Variants in SYCP2 observed in about 807,000 individuals in gnomAD.
The protein encoded by SYCP2 is synaptonemal complex lateral element protein.
Under a neutral mutation model 211.3 loss-of-function variants are expected in SYCP2, and 55 were observed. That is an observed-to-expected ratio of 0.26 (90% CI 0.21 to 0.33). SYCP2 has a LOEUF of 0.33. SYCP2 is among the 10% of genes least tolerant of loss of function. SYCP2 has a pLI of 1.00. For synonymous variants in SYCP2, 570 were observed against 555.2 expected, an observed-to-expected ratio of 1.03 and a Z score of -0.37; for missense variants, 1,731 against 1,752.0, an observed-to-expected ratio of 0.99 and a Z score of 0.21.
At chr20:59,898,568 G>A (rs1337049750) in intron 18 of SYCP2, among the ~76,000 whole-genome samples, 1 of 152,088 alleles carries the variant, frequency 6.6e-6, no homozygotes, top group Non-Finnish European at 1.5e-5. Flanking sequence ...TTGCGGGGTG[G>A]GGGCCTAGGG....
chr20:59,911,293 T>C (rs1196964297), intron 14 of SYCP2, among the ~76,000 whole-genome samples: 1 of 152,074 alleles, frequency 6.6e-6, no homozygotes, highest in African/African-American at 2.4e-5. Flanking sequence ...TGATAAAGCA[T>C]AGGAAGAAAA....
intron 13 of SYCP2, 37 bp from the exon 14 acceptor site, chr20:59,911,882 G>C (rs1180159526): frequency 9.2e-7 from 1 of 1,086,470 alleles, no homozygotes; most frequent in Non-Finnish European, 1.3e-6. Context: ...AATATACAAT[G>C]ATTTTAGAAA....
intron 24 of SYCP2, among the ~76,000 whole-genome samples, chr20:59,888,742 T>G (rs887764315): frequency 6.6e-6 from 1 of 151,950 alleles, no homozygotes; most frequent in African/African-American, 2.4e-5. Flanking sequence ...CTGTAGAAAA[T>G]CTCAAAGAAT....
chr20:59,905,356 T>A (rs1003286456), intron 15 of SYCP2, among the ~76,000 whole-genome samples: 4 of 152,158 alleles, frequency 2.6e-5, no homozygotes. Flanking sequence ...CTGGGAACAT[T>A]ACAAATGCTC....
Position 59,892,127 on chromosome 20 carries a change from A to T in SYCP2, c.2227T>A (p.Tyr743Asn). The T allele has an allele frequency of 6.2e-7, 1 of 1,612,248 alleles. No individual in the cohort carries two copies. The highest frequency in any genetic ancestry group is 8.5e-7 in the Non-Finnish European group (1 of 1,179,022). ...IEESLIYRKKYILSKDVNTAT... is the reference protein window; with the variant it reads ...IEESLIYRKKNILSKDVNTAT... ...GTATTCACATCTTTTGACAATATGT[A>T]TTTCTTCCTATATATCAGCGATTCT... is the stretch of plus-strand genomic sequence containing the variant. Residue 743 changes from tyrosine to asparagine, a missense_variant, in exon 24 of 45, where the codon TAC (tyrosine) becomes AAC (asparagine). Tyr to Asn is a moderately radical substitution (Grantham distance 143). This residue lies in a region of SYCP2 where 1,387 missense variants were observed against 1,351.3 expected (regional missense o/e 1.03). Coordinates refer to ENST00000357552, the MANE Select transcript of SYCP2 (RefSeq NM_014258.4).
At chr20:59,881,092 G>T in intron 29 of SYCP2, 69 bp from the exon 30 acceptor site, 2 of 863,418 alleles carry the variant, frequency 2.3e-6, no homozygotes, top group South Asian at 1.9e-5. Context: ...ATACACAATG[G>T]ACAATTAGAC....
Position 59,893,213 on chromosome 20 carries a change from A to G in SYCP2, c.1736-14T>C. On this transcript the variant is annotated splice_polypyrimidine_tract_variant and intron_variant, in intron 21 of 44. Transcript: ENST00000357552. ...CCTGGAGTTCACCTAAATAAAACAA[A>G]TATTATAATATTTTCATTTTTTTCA... is the stretch of plus-strand genomic sequence containing the variant. 6.4e-7 allele frequency: 1 copy of G among 1,563,298 alleles called. No individual in the cohort carries two copies. Among genetic ancestry groups the G allele is most frequent in the Non-Finnish European group, 8.7e-7 (1 of 1,147,876 alleles).
Position 59,869,973 on chromosome 20 carries a change from G to T in SYCP2, c.3566C>A (p.Thr1189Asn). ...IPRPLFLPRHTPTKSNTIVNR... is the reference protein window; with the variant it reads ...IPRPLFLPRHNPTKSNTIVNR... ...TACAATAGTATTACTCTTAGTTGGA[G>T]TATGTCTGGGCTATGAATGAAGACA... is the stretch of plus-strand genomic sequence containing the variant. Residue 1189 changes from threonine to asparagine, a missense_variant, in exon 36 of 45, where the codon ACT (threonine) becomes AAT (asparagine). Around this residue, in one of 3 missense-constraint regions of SYCP2, gnomAD observed 1,387 missense variants for 1,351.3 expected, o/e 1.03. Transcript: ENST00000357552. 6.3e-7 allele frequency: 1 copy of T among 1,592,816 alleles called. No individual in the cohort carries two copies. Among genetic ancestry groups the T allele is most frequent in the East Asian group, 2.2e-5 (1 of 44,480 alleles).
intron 12 of SYCP2, among the ~76,000 whole-genome samples, chr20:59,912,823 C>A (rs1568971292): frequency 2.0e-5 from 3 of 152,202 alleles, no homozygotes; most frequent in African/African-American, 7.2e-5. Flanking sequence ...GTGAGTAACT[C>A]TCACGAGATC....
At position 59,900,193 on chromosome 20, in the gene SYCP2, G is replaced by A; in HGVS notation, c.1349C>T (p.Pro450Leu). ...GTCACTGTTTTTGATATATTTTGAA[G>A]GTTTAGCAAATTCCTTTGGGGACTT... ...KSKSPKEFAKPSKYIKNSDKG... is the reference protein window; with the variant it reads ...KSKSPKEFAKLSKYIKNSDKG... Residue 450 changes from proline to leucine, a missense_variant, in exon 18 of 45, where the codon CCT (proline) becomes CTT (leucine). By Grantham distance (98) the Pro-to-Leu change is moderately conservative (BLOSUM62 -3). Around this residue, in one of 3 missense-constraint regions of SYCP2, gnomAD observed 1,387 missense variants for 1,351.3 expected, o/e 1.03. Coordinates refer to ENST00000357552, the MANE Select transcript of SYCP2 (RefSeq NM_014258.4). 1 of 1,613,194 alleles carries A rather than the reference G, an allele frequency of 6.2e-7. No individual in the cohort carries two copies. Among genetic ancestry groups the A allele is most frequent in the South Asian group, 1.1e-5 (1 of 91,024 alleles).
chr20:59,919,697 T>C (rs1452532139), intron 5 of SYCP2, 100 bp from the exon 6 acceptor site: 4 of 608,628 alleles, frequency 6.6e-6, no homozygotes, highest in Non-Finnish European at 8.0e-6. Flanking sequence ...TAAAGACACA[T>C]CAAAATTAAA....
At chr20:59,910,653 A>G (rs1342808253) in intron 14 of SYCP2, among the ~76,000 whole-genome samples, 1 of 151,742 alleles carries the variant, frequency 6.6e-6, no homozygotes, top group Admixed American at 6.6e-5. Flanking sequence ...TGCCCTATTT[A>G]TTTCCTTTAT....
At chr20:59,902,833 T>G (rs2060141339) in intron 15 of SYCP2, among the ~76,000 whole-genome samples, 1 of 152,166 alleles carries the variant, frequency 6.6e-6, no homozygotes, top group African/African-American at 2.4e-5. Flanking sequence ...TTTTTAAAAG[T>G]TAAACAGTGA....
At chr20:59,902,002 C>T (rs1279789349) in intron 15 of SYCP2, among the ~76,000 whole-genome samples, 192 bp from the exon 16 acceptor site, 2 of 152,026 alleles carry the variant, frequency 1.3e-5, no homozygotes, top group African/African-American at 4.8e-5. Flanking sequence ...CTTTCCTAGT[C>T]TCAGTGTTCT....
At chr20:59,898,649 G>A (rs180998905) in intron 18 of SYCP2, among the ~76,000 whole-genome samples, 94 of 152,160 alleles carry the variant, frequency 6.2e-4, no homozygotes, top group African/African-American at 2.1e-3. Flanking sequence ...ACCCTGGCAC[G>A]TGTATACCTA....
At chr20:59,875,556 T>C in intron 33 of SYCP2, 87 bp from the exon 34 acceptor site, 4 of 1,021,894 alleles carry the variant, frequency 3.9e-6, no homozygotes, top group Non-Finnish European at 5.6e-6. Context: ...AAATATTTAT[T>C]AAATGTTGTA....
At position 59,900,254 on chromosome 20, in the gene SYCP2, C is replaced by A. The variant is rs2060090492; in HGVS notation, c.1288G>T (p.Val430Phe). 1 of 1,610,056 alleles carries A rather than the reference C, an allele frequency of 6.2e-7. No individual in the cohort carries two copies. The highest frequency in any genetic ancestry group is 1.7e-5 in the Admixed American group (1 of 59,426). The change falls in exon 18 of 45, where the codon GTC (valine) becomes TTC (phenylalanine). Residue 430 changes from valine (V) to phenylalanine (F), a missense_variant. Physicochemically the swap from Val to Phe is conservative, Grantham distance 50. Transcript: ENST00000357552. ...TTTAAACTAACGAGCTCTTCTCCGA[C>A]TGGTGAGATTTGACTTTCTGGCACT... ...ILVPESQISP[V>F]GEELVSLKEK...
At chr20:59,932,022 A>C (rs929520624) in intron 2 of SYCP2, 40 bp downstream of exon 2, 109 of 152,346 alleles carry the variant, frequency 7.2e-4, no homozygotes, top group African/African-American at 2.5e-3. Flanking sequence ...TCGGAAACCG[A>C]GAACAGAATA....
At chr20:59,870,292 AAC>A in intron 35 of SYCP2, among the ~76,000 whole-genome samples, 1 of 151,898 alleles carries the variant, frequency 6.6e-6, no homozygotes, top group Non-Finnish European at 1.5e-5. Context: ...CTTCATGTGT[AAC>A]AGTTTATATG....
Sources: allele counts gnomAD v4.1 joint callset (sites outside exome capture counted in the v4.1 genomes callset), GRCh38; gene constraint gnomAD v4.1.1; regional missense constraint gnomAD v4.1.1; transcripts MANE v1.5; gene names NCBI Gene and HGNC (gene_info 2026-07-23, HGNC 2026-07-21).